The following ESRRG variants were observed in gnomAD, a reference collection of about 807,000 sequenced individuals.
ESRRG encodes the protein estrogen related receptor gamma.
A neutral mutation model predicts 44.0 loss-of-function variants in ESRRG; 13 were observed. The observed-to-expected ratio is 0.30, with a 90% CI of 0.19 to 0.47. The LOEUF is 0.47. Among genes scored for constraint, ESRRG ranks in the 20% least tolerant of loss-of-function variants. The pLI, the probability that ESRRG is intolerant of heterozygous loss-of-function variation, is 1.00. For missense variants in ESRRG, 395 were observed against 580.6 expected, an observed-to-expected ratio of 0.68 and a Z score of 3.29; for synonymous variants, 215 against 214.6, an observed-to-expected ratio of 1.00 and a Z score of -0.02.
chr1:217,051,484 C>T (rs975269877), intron 1 of ESRRG, among the ~76,000 whole-genome samples: 1 of 152,192 alleles, frequency 6.6e-6, no homozygotes, highest in Non-Finnish European at 1.5e-5. Flanking sequence ...GTTACTGCAA[C>T]ATCCAAATAA....
At chr1:216,808,823 C>G (rs144916640) in intron 2 of ESRRG, among the ~76,000 whole-genome samples, 1,979 of 152,258 alleles carry the variant, frequency 0.013, 55 homozygotes, top group African/African-American at 0.045. Flanking sequence ...GCTCAGGTCC[C>G]AATTTGACCA....
At position 216,915,443 on chromosome 1, in the gene ESRRG, T is replaced by G. The variant is rs145866626; in HGVS notation, c.-14+24139A>C. Reference sequence around the variant, plus strand: ...CTCCTTAAGGAGGCTGCAGATGGGGTGGAGAGGAAGAAGGGAGAAGGTGCT... The same window carrying G: ...CTCCTTAAGGAGGCTGCAGATGGGGGGGAGAGGAAGAAGGGAGAAGGTGCT... On this transcript the variant is annotated intron_variant, in intron 2 of 7. Coordinates refer to the ESRRG transcript ENST00000359162. 1.1e-3 allele frequency among the ~76,000 whole-genome samples: 170 copies of G among 151,774 alleles called. 1 individual carries two copies. Among genetic ancestry groups the G allele is most frequent in the African/African-American group, 3.8e-3 (158 of 41,376 alleles).
At chr1:216,873,887 G>A (rs1248594350) in intron 2 of ESRRG, among the ~76,000 whole-genome samples, 1 of 28,294 alleles carries the variant, frequency 3.5e-5, no homozygotes, top group Non-Finnish European at 6.9e-5. Context: ...GGGAGGGAAG[G>A]GAAGGGAAGG....
chr1:216,953,439 T>C (rs1310574527), intron 1 of ESRRG, among the ~76,000 whole-genome samples: 2 of 152,168 alleles, frequency 1.3e-5, no homozygotes, highest in Admixed American at 6.6e-5. Context: ...AGGCTTTTTT[T>C]CCCATCATTA....
At chr1:216,815,626 G>C (rs1477692954) in intron 2 of ESRRG, among the ~76,000 whole-genome samples, 1 of 152,146 alleles carries the variant, frequency 6.6e-6, no homozygotes, top group African/African-American at 2.4e-5. Flanking sequence ...CCCACATACT[G>C]CAGTTGCGAC....
intron 3 of ESRRG, among the ~76,000 whole-genome samples, chr1:216,571,056 T>C (rs571390525): frequency 6.6e-6 from 1 of 152,258 alleles, no homozygotes; most frequent in African/African-American, 2.4e-5. Context: ...AGACATACAG[T>C]TACATCACTT....
At chr1:216,556,831 G>A (rs929537840) in intron 5 of ESRRG, among the ~76,000 whole-genome samples, 1 of 152,150 alleles carries the variant, frequency 6.6e-6, no homozygotes, top group Non-Finnish European at 1.5e-5. Context: ...CTGTATTCAT[G>A]TGTGTATCAT....
At chr1:216,685,655 G>A (rs1405557893) in intron 1 of ESRRG, among the ~76,000 whole-genome samples, 2 of 152,172 alleles carry the variant, frequency 1.3e-5, no homozygotes, top group Non-Finnish European at 1.5e-5. Context: ...CTCCAGTGAT[G>A]GAGTTCACAA....
chr1:217,119,146 A>G (rs2092784288), intron 1 of ESRRG, among the ~76,000 whole-genome samples: 1 of 152,226 alleles, frequency 6.6e-6, no homozygotes, highest in African/African-American at 2.4e-5. Context: ...TTCTTATGCC[A>G]ATTTGGGTTA....
At chr1:217,007,530 C>A (rs1234565039) in intron 1 of ESRRG, among the ~76,000 whole-genome samples, 1 of 152,130 alleles carries the variant, frequency 6.6e-6, no homozygotes, top group African/African-American at 2.4e-5. Flanking sequence ...CGATTATTGT[C>A]AAAAACCATT....
intron 2 of ESRRG, among the ~76,000 whole-genome samples, chr1:216,844,560 G>A (rs140453659): frequency 2.6e-3 from 401 of 152,018 alleles, no homozygotes; most frequent in Non-Finnish European, 3.1e-3. Flanking sequence ...TCATCCAAGT[G>A]CACCACGCTC....
Position 216,587,868 on chromosome 1 carries a change from A to T in ESRRG, c.590-19770T>A, listed in dbSNP as rs569305222. 1.7e-3 allele frequency among the ~76,000 whole-genome samples: 254 copies of T among 152,336 alleles called. 2 individuals carry two copies. The highest frequency in any genetic ancestry group is 6.1e-3 in the African/African-American group (253 of 41,584). ...TTAGTGTTCATGCAAGCAGTGCATT[A>T]TTGCTGAAGTGTGTCAATTTTCTAA... On this transcript the variant is annotated intron_variant, in intron 3 of 6. Coordinates refer to ENST00000408911, the MANE Select transcript of ESRRG (RefSeq NM_001438.4).
intron 2 of ESRRG, among the ~76,000 whole-genome samples, chr1:216,768,197 C>T (rs879753961): frequency 6.6e-6 from 1 of 152,126 alleles, no homozygotes; most frequent in African/African-American, 2.4e-5. Context: ...AGGAATCTGC[C>T]TCTCCAAATT....
intron 2 of ESRRG, among the ~76,000 whole-genome samples, chr1:216,833,645 A>G (rs111523447): frequency 4.6e-5 from 7 of 152,312 alleles, no homozygotes; most frequent in African/African-American, 1.4e-4. Flanking sequence ...TTAAGGCTAA[A>G]TTTAGGGGAG....
Position 216,504,950 on chromosome 1 carries a change from T to C in ESRRG, c.*1989A>G, listed in dbSNP as rs764634957. ...CTGAGGAATTGTACATCCAATATTGTCTCTAATTCTACCCTGTGTCTAAAA... is the reference window on the plus strand; with the variant it reads ...CTGAGGAATTGTACATCCAATATTGCCTCTAATTCTACCCTGTGTCTAAAA... On this transcript the variant is annotated 3_prime_UTR_variant, in exon 7 of 7. Transcript: ENST00000408911. 25 of 152,700 alleles carry C rather than the reference T, an allele frequency of 1.6e-4. No individual in the cohort carries two copies. The highest frequency in any genetic ancestry group is 2.8e-4 in the Non-Finnish European group (19 of 68,022). The allele number at this position is 152,700 out of a possible 1,614,324, so 9.5% of individuals were successfully genotyped here.
chr1:217,009,956 G>A (rs559444072), intron 1 of ESRRG, among the ~76,000 whole-genome samples: 10 of 151,868 alleles, frequency 6.6e-5, no homozygotes, highest in East Asian at 1.9e-4. Context: ...CACCCACCTC[G>A]GCCTCCCAAA....
chr1:216,733,793 C>A (rs2089330760), intron 2 of ESRRG, among the ~76,000 whole-genome samples: 1 of 151,866 alleles, frequency 6.6e-6, no homozygotes, highest in Non-Finnish European at 1.5e-5. Context: ...GAGTTCGAGA[C>A]CAGCTTGACA....
intron 1 of ESRRG, among the ~76,000 whole-genome samples, chr1:217,071,703 G>A (rs1163265528): frequency 6.6e-6 from 1 of 152,170 alleles, no homozygotes; most frequent in East Asian, 1.9e-4. Flanking sequence ...ATGTCTAATA[G>A]TCACTGAATG....
At chr1:216,654,359 G>T (rs1369833581) in intron 2 of ESRRG, among the ~76,000 whole-genome samples, 1 of 151,962 alleles carries the variant, frequency 6.6e-6, no homozygotes, top group Non-Finnish European at 1.5e-5. Context: ...AGGTGCGATG[G>T]CTCACACCTG....
Sources: allele counts gnomAD v4.1 joint callset (sites outside exome capture counted in the v4.1 genomes callset), GRCh38; gene constraint gnomAD v4.1.1; transcripts MANE v1.5; gene names NCBI Gene and HGNC (gene_info 2026-07-23, HGNC 2026-07-21).